OR1J2: variants seen among roughly 807,000 people sequenced by gnomAD.
OR1J2 encodes the protein olfactory receptor 1J2.
For synonymous variants in OR1J2, 142 were observed against 99.7 expected (o/e 1.42, Z -2.52); for missense variants, 304 against 246.1 (o/e 1.24, Z -1.57).
chr9:122,506,940 G>A (rs1375740871), upstream of OR1J2, among the ~76,000 whole-genome samples: 1 of 152,156 alleles, frequency 6.6e-6, no homozygotes, highest in Non-Finnish European at 1.5e-5. Context: ...AGTTGTTTTG[G>A]TGTTTAAATC....
chr9:122,453,873 A>G, the OR1J2 span, among the ~76,000 whole-genome samples: 2 of 152,238 alleles, frequency 1.3e-5, no homozygotes, highest in African/African-American at 2.4e-5. Context: ...TTGGGTTACA[A>G]CAACATGATG....
the OR1J2 span, among the ~76,000 whole-genome samples, chr9:122,555,126 G>T: frequency 5.3e-5 from 8 of 152,124 alleles, no homozygotes; most frequent in Non-Finnish European, 1.2e-4. Flanking sequence ...AAATTTGAGG[G>T]TTGGCACAAA....
chr9:122,517,527 A>T, the OR1J2 span, among the ~76,000 whole-genome samples: 2 of 152,208 alleles, frequency 1.3e-5, no homozygotes, highest in South Asian at 4.1e-4. Context: ...TTTTCTCCCA[A>T]TTAAGAACTG....
At chr9:122,574,616 ACAAT>A in the OR1J2 span, among the ~76,000 whole-genome samples, 24,777 of 152,006 alleles carry the variant, frequency 0.16, 2,410 homozygotes, top group Middle Eastern at 0.24. Context: ...TTCTATATAG[ACAAT>A]CAAATCATCT....
the OR1J2 span, among the ~76,000 whole-genome samples, chr9:122,565,122 C>G: frequency 6.6e-6 from 1 of 152,164 alleles, no homozygotes; most frequent in African/African-American, 2.4e-5. Context: ...TGTCTGGCCC[C>G]TCTTACACCC....
At chr9:122,497,816 T>G in the OR1J2 span, among the ~76,000 whole-genome samples, 1 of 152,314 alleles carries the variant, frequency 6.6e-6, no homozygotes, top group African/African-American at 2.4e-5. Flanking sequence ...CTATAAACTT[T>G]CCTGTTAATA....
the OR1J2 span, among the ~76,000 whole-genome samples, chr9:122,570,330 C>T: frequency 6.6e-6 from 1 of 152,220 alleles, no homozygotes; most frequent in African/African-American, 2.4e-5. Context: ...TCCACATCCT[C>T]TCCAGCATCT....
chr9:122,511,011 C>T lies in OR1J2; in HGVS notation c.210C>T (p.Asp70=), dbSNP rs183379346. 8 of 1,600,380 alleles carry T rather than the reference C, an allele frequency of 5.0e-6. No individual in the cohort carries two copies. Among genetic ancestry groups the T allele is most frequent in the African/African-American group, 2.7e-5 (2 of 74,792 alleles). Residue 70 remains aspartate, a synonymous_variant, in exon 1 of 1, where the codon GAC becomes GAT. Transcript: ENST00000335302. ...YFFLSHLALT[D]ISFSSVTVPK... Reference sequence around the variant, plus strand: ...TCCTCAGCCACTTGGCTCTCACTGACATCTCCTTTTCATCTGTCACTGTCC... The same window carrying T: ...TCCTCAGCCACTTGGCTCTCACTGATATCTCCTTTTCATCTGTCACTGTCC...
chr9:122,543,847 ATCCAAACCAG>A, the OR1J2 span, among the ~76,000 whole-genome samples: 1 of 152,260 alleles, frequency 6.6e-6, no homozygotes, highest in African/African-American at 2.4e-5. Flanking sequence ...GAGATGAGGT[ATCCAAACCAG>A]TTCTGCCCAA....
At chr9:122,571,278 G>A in the OR1J2 span, among the ~76,000 whole-genome samples, 46 of 152,240 alleles carry the variant, frequency 3.0e-4, 1 homozygote, top group East Asian at 1.5e-3. Context: ...CATGCCGGGC[G>A]CGGTGGCTCA....
At chr9:122,534,317 A>G in the OR1J2 span, among the ~76,000 whole-genome samples, 1 of 152,290 alleles carries the variant, frequency 6.6e-6, no homozygotes, top group African/African-American at 2.4e-5. Context: ...ATTGGGTAGT[A>G]AAATGTATAT....
At chr9:122,460,857 T>C in the OR1J2 span, among the ~76,000 whole-genome samples, 1 of 152,090 alleles carries the variant, frequency 6.6e-6, no homozygotes, top group East Asian at 1.9e-4. Flanking sequence ...ATTTTATTAA[T>C]TTGTTTATTT....
chr9:122,475,443 C>T, the OR1J2 span, among the ~76,000 whole-genome samples: 1 of 152,172 alleles, frequency 6.6e-6, no homozygotes, highest in African/African-American at 2.4e-5. Flanking sequence ...TCTATTGAAG[C>T]TTCTTCCATT....
the OR1J2 span, among the ~76,000 whole-genome samples, chr9:122,542,744 A>T: frequency 6.6e-6 from 1 of 152,212 alleles, no homozygotes; most frequent in Non-Finnish European, 1.5e-5. Flanking sequence ...ACAACTTTAT[A>T]TACCTGTGCA....
chr9:122,514,390 T>C (rs1274110869), downstream of OR1J2, among the ~76,000 whole-genome samples: 3 of 152,230 alleles, frequency 2.0e-5, no homozygotes, highest in African/African-American at 7.2e-5. Context: ...TGGTTTTCTG[T>C]TTCTGTGTTA....
At chr9:122,502,675 C>CT in the OR1J2 span, among the ~76,000 whole-genome samples, 27,933 of 146,502 alleles carry the variant, frequency 0.19, 2,746 homozygotes, top group African/African-American at 0.25. Context: ...CAACATAGTA[C>CT]TTTTTTTTTT....
At chr9:122,456,566 G>C in the OR1J2 span, among the ~76,000 whole-genome samples, 3 of 152,012 alleles carry the variant, frequency 2.0e-5, no homozygotes, top group African/African-American at 7.3e-5. Flanking sequence ...AGAACCTTTA[G>C]GGAACACACA....
chr9:122,549,617 G>A, the OR1J2 span, among the ~76,000 whole-genome samples: 1 of 152,102 alleles, frequency 6.6e-6, no homozygotes, highest in African/African-American at 2.4e-5. Context: ...GTTGAATAGG[G>A]TGTCTTTTCC....
chr9:122,534,958 G>A, the OR1J2 span, among the ~76,000 whole-genome samples: 7 of 152,210 alleles, frequency 4.6e-5, no homozygotes, highest in African/African-American at 1.4e-4. Flanking sequence ...GGGGTCAAGC[G>A]GCATTGTAGA....
Sources: allele counts gnomAD v4.1 joint callset (sites outside exome capture counted in the v4.1 genomes callset), GRCh38; gene constraint gnomAD v4.1.1; transcripts MANE v1.5; gene names NCBI Gene and HGNC (gene_info 2026-07-23, HGNC 2026-07-21).